ARHGAP42: variants seen among roughly 807,000 people sequenced by gnomAD.
ARHGAP42 encodes the protein rho GTPase-activating protein 42.
ARHGAP42 carries 63 observed loss-of-function variants against 125.0 expected under a neutral mutation model. The observed-to-expected ratio is 0.50, with a 90% CI of 0.41 to 0.62. The LOEUF (loss-of-function observed/expected upper bound fraction) is 0.62, where lower values mean the gene tolerates loss of function less well. Among genes scored for constraint, ARHGAP42 ranks in the 20% least tolerant of loss-of-function variants. The pLI, the probability that ARHGAP42 is intolerant of heterozygous loss-of-function variation, is 0.00. For synonymous variants in ARHGAP42, 339 were observed against 351.0 expected (o/e 0.97, Z 0.38); for missense variants, 766 against 1,024.2 (o/e 0.75, Z 3.44).
intron 1 of ARHGAP42, among the ~76,000 whole-genome samples, chr11:100,765,663 C>T (rs1862813444): frequency 6.6e-6 from 1 of 152,204 alleles, no homozygotes; most frequent in East Asian, 1.9e-4. Context: ...CCCTACTGGA[C>T]TGTGCCCTTC....
intron 4 of ARHGAP42, among the ~76,000 whole-genome samples, chr11:100,861,373 C>A (rs1865441285): frequency 6.6e-6 from 1 of 152,144 alleles, no homozygotes; most frequent in East Asian, 1.9e-4. Context: ...GTATTTTACT[C>A]CCTAGCCTAA....
chr11:100,869,847 C>G (rs1414172640), intron 4 of ARHGAP42, among the ~76,000 whole-genome samples: 1 of 152,082 alleles, frequency 6.6e-6, no homozygotes, highest in East Asian at 1.9e-4. Flanking sequence ...CTATTTTACC[C>G]TCCTAATGAT....
chr11:100,731,806 C>T (rs1861963323), intron 1 of ARHGAP42, among the ~76,000 whole-genome samples: 1 of 152,144 alleles, frequency 6.6e-6, no homozygotes, highest in Admixed American at 6.5e-5. Flanking sequence ...GTATTTCCAT[C>T]AGATCTTTGT....
At chr11:100,897,466 C>T (rs927434257) in intron 4 of ARHGAP42, among the ~76,000 whole-genome samples, 5 of 152,132 alleles carry the variant, frequency 3.3e-5, no homozygotes, top group Non-Finnish European at 7.3e-5. Context: ...TTCTTCCTAT[C>T]CATGAGCATG....
At chr11:100,983,983 G>A (rs534634338) in intron 22 of ARHGAP42, among the ~76,000 whole-genome samples, 1 of 152,214 alleles carries the variant, frequency 6.6e-6, no homozygotes, top group African/African-American at 2.4e-5. Flanking sequence ...TGGCACGGTG[G>A]TGTGCACCTA....
chr11:100,779,970 G>A (rs955331884), intron 2 of ARHGAP42, among the ~76,000 whole-genome samples: 3 of 151,486 alleles, frequency 2.0e-5, no homozygotes, highest in African/African-American at 7.3e-5. Context: ...AGGTTGCAGT[G>A]ATCCAAGATT....
intron 4 of ARHGAP42, among the ~76,000 whole-genome samples, chr11:100,896,316 T>C (rs1866362449): frequency 3.9e-5 from 6 of 152,224 alleles, no homozygotes; most frequent in Admixed American, 3.9e-4. Flanking sequence ...TGTGCATGTG[T>C]CTTTATAGTA....
intron 3 of ARHGAP42, among the ~76,000 whole-genome samples, chr11:100,802,597 G>T (rs1470372813): frequency 6.7e-6 from 1 of 149,144 alleles, no homozygotes; most frequent in Non-Finnish European, 1.5e-5. Context: ...GCTAATTTTT[G>T]TATTTTTGTT....
At chr11:100,948,667 G>C (rs1004538712) in intron 11 of ARHGAP42, 132 bp downstream of exon 11, 6 of 630,794 alleles carry the variant, frequency 9.5e-6, no homozygotes, top group Non-Finnish European at 1.5e-5. Context: ...AATCAGGGGA[G>C]TAGAGACTTT....
chr11:100,811,260 T>C (rs559134047), intron 3 of ARHGAP42, among the ~76,000 whole-genome samples: 6 of 152,298 alleles, frequency 3.9e-5, no homozygotes, highest in African/African-American at 1.2e-4. Context: ...CTGGCCAGAA[T>C]AAACATTTTA....
At chr11:100,817,109 G>A (rs1196410920) in intron 3 of ARHGAP42, among the ~76,000 whole-genome samples, 2 of 152,184 alleles carry the variant, frequency 1.3e-5, no homozygotes, top group African/African-American at 2.4e-5. Flanking sequence ...CAGAGGACAG[G>A]GGGTTTCTCC....
rs1864250251 is a variant in ARHGAP42, at chr11:100,815,642, G to A, written c.312+20476G>A. Reference sequence around the variant, plus strand: ...TAAATATTAACAACTTTGTTTTTCTGTAGTTGTAGTAAAATACACATTCCA... The same window carrying A: ...TAAATATTAACAACTTTGTTTTTCTATAGTTGTAGTAAAATACACATTCCA... On this transcript the variant is annotated intron_variant, in intron 3 of 23. Transcript: ENST00000298815. Among the ~76,000 whole-genome samples the A allele has an allele frequency of 2.0e-5, 3 of 152,154 alleles. No homozygotes were observed. The South Asian group carries it at 6.2e-4, about 32-fold the overall frequency.
intron 13 of ARHGAP42, 38 bp from the exon 14 acceptor site, chr11:100,960,877 A>G: frequency 7.3e-7 from 1 of 1,367,988 alleles, no homozygotes; most frequent in South Asian, 1.5e-5. Flanking sequence ...GCCAAGCTGT[A>G]TCTCAAGCCG....
chr11:100,988,583 A>G lies in ARHGAP42; in HGVS notation c.2537-130A>G, dbSNP rs896873329. 360 of 649,746 alleles carry G rather than the reference A, an allele frequency of 5.5e-4. 2 individuals are homozygous for G. The highest frequency in any genetic ancestry group is 7.1e-4 in the Non-Finnish European group (274 of 385,616). 40.2% of individuals were successfully genotyped at this position (649,746 alleles called of 1,614,324 possible). ...GCATGCACAGTTTCTGGTATCCACA[A>G]GGGGTCCTGGAACTAATCCCCCACA... On this transcript the variant is annotated intron_variant, in intron 23 of 23. Coordinates refer to ENST00000298815, the MANE Select transcript of ARHGAP42 (RefSeq NM_152432.4).
chr11:100,987,762 C>T (rs576098312), intron 23 of ARHGAP42, among the ~76,000 whole-genome samples, 170 bp downstream of exon 23: 2 of 151,838 alleles, frequency 1.3e-5, no homozygotes. Context: ...TGGCATGCAT[C>T]TGTAGTCCCA....
intron 1 of ARHGAP42, among the ~76,000 whole-genome samples, chr11:100,705,175 C>A (rs1861464833): frequency 6.6e-6 from 1 of 152,156 alleles, no homozygotes; most frequent in East Asian, 1.9e-4. Flanking sequence ...ACCAAATAAT[C>A]TGAACATTAA....
chr11:100,850,630 T>C (rs1397309205), intron 3 of ARHGAP42, among the ~76,000 whole-genome samples: 1 of 152,212 alleles, frequency 6.6e-6, no homozygotes, highest in African/African-American at 2.4e-5. Context: ...AGATCTCTTT[T>C]ATCTAGTTAT....
At chr11:100,774,323 C>T (rs924245525) in intron 2 of ARHGAP42, among the ~76,000 whole-genome samples, 2 of 152,150 alleles carry the variant, frequency 1.3e-5, no homozygotes, top group Admixed American at 6.5e-5. Flanking sequence ...TTCAGTTCTA[C>T]GTGGGACGGT....
intron 1 of ARHGAP42, among the ~76,000 whole-genome samples, chr11:100,716,108 C>G (rs913749298): frequency 3.9e-5 from 6 of 152,104 alleles, no homozygotes; most frequent in Non-Finnish European, 8.8e-5. Context: ...CGAGGGGAGA[C>G]CTGGGAAACA....
Sources: allele counts gnomAD v4.1 joint callset (sites outside exome capture counted in the v4.1 genomes callset), GRCh38; gene constraint gnomAD v4.1.1; transcripts MANE v1.5; gene names NCBI Gene and HGNC (gene_info 2026-07-23, HGNC 2026-07-21).